The following RCBTB1 variants were observed in gnomAD, a reference collection of about 807,000 sequenced individuals.
RCBTB1 encodes RCC1 and BTB domain-containing protein 1.
In RCBTB1, 46 loss-of-function variants were observed where a neutral mutation model predicts 62.4. The ratio of observed to expected loss-of-function variants is 0.74; its 90% CI spans 0.58 to 0.94. The LOEUF (loss-of-function observed/expected upper bound fraction) is 0.94, where lower values mean the gene tolerates loss of function less well. RCBTB1 is among the 40% of genes least tolerant of loss of function. The pLI is 0.00. For synonymous variants in RCBTB1, 222 were observed against 245.8 expected, an observed-to-expected ratio of 0.90 and a Z score of 0.91; for missense variants, 565 against 654.9, an observed-to-expected ratio of 0.86 and a Z score of 1.50.
intron 1 of RCBTB1, among the ~76,000 whole-genome samples, chr13:49,583,262 A>G (rs76717572): frequency 0.017 from 2,610 of 152,210 alleles, 71 homozygotes; most frequent in African/African-American, 0.06. Flanking sequence ...AGCACTGAGC[A>G]GAGAAACCTA....
At chr13:49,583,616 G>A (rs192412857) in intron 1 of RCBTB1, among the ~76,000 whole-genome samples, 1 of 151,584 alleles carries the variant, frequency 6.6e-6, no homozygotes, top group Admixed American at 6.6e-5. Context: ...GCACAATCTC[G>A]GCTCACTGCA....
rs561896667 is a variant in RCBTB1, at chr13:49,532,033, C to T, written c.*2089G>A. 145 of 152,582 alleles carry T rather than the reference C, an allele frequency of 9.5e-4. 1 individual carries two copies. Among genetic ancestry groups the T allele is most frequent in the African/African-American group, 3.4e-3 (143 of 41,510 alleles). The allele number at this position is 152,582 out of a possible 1,614,324, so 9.5% of individuals were successfully genotyped here. A position where few individuals can be genotyped will look rare whatever the true frequency, so the allele number is the denominator to read the frequency against. On this transcript the variant is annotated 3_prime_UTR_variant, in exon 13 of 13. Transcript: ENST00000378302. ...CATACTAGAGTATCAAACATTGTTC[C>T]AGTAAGAAGTTCAAGAGTACATTTA...
At chr13:49,575,493 A>G (rs1009075212) in intron 2 of RCBTB1, among the ~76,000 whole-genome samples, 1 of 152,082 alleles carries the variant, frequency 6.6e-6, no homozygotes. Flanking sequence ...TAGCAAAGAC[A>G]TGGAATCAAC....
chr13:49,535,524 G>T (rs1959870211), intron 12 of RCBTB1, among the ~76,000 whole-genome samples: 1 of 152,056 alleles, frequency 6.6e-6, no homozygotes. Context: ...TCAACTGCAG[G>T]TTTTGACCGC....
chr13:49,560,027 G>T lies in RCBTB1; in HGVS notation c.335C>A (p.Thr112Asn), dbSNP rs745337208. ...CTGGACGGGAGCAATGCCTTGGTTG[G>T]TCGTCCCATTCCCAAGCTGGCTATA... is the stretch of plus-strand genomic sequence containing the variant. The part of the protein sequence containing the change: ...NGYSQLGNGT[T>N]NQGIAPVQVC... Residue 112 changes from threonine (T) to asparagine (N), a missense_variant, in exon 5 of 13, where the codon ACC becomes AAC. Physicochemically the swap from Thr to Asn is moderately conservative, Grantham distance 65. Coordinates refer to ENST00000378302, the MANE Select transcript of RCBTB1 (RefSeq NM_018191.4). The T allele has an allele frequency of 4.0e-5, 65 of 1,614,032 alleles. No individual in the cohort carries two copies. Among genetic ancestry groups the T allele is most frequent in the Non-Finnish European group, 5.5e-5 (65 of 1,180,036 alleles).
At position 49,575,697 on chromosome 13, in the gene RCBTB1, G is replaced by A. The variant is rs566728155; in HGVS notation, c.-42+4808C>T. ...AATGGGAACTAAATATAGGGTACACGTGGATATAAAGACAGGAACAACAGA... is the reference window on the plus strand; with the variant it reads ...AATGGGAACTAAATATAGGGTACACATGGATATAAAGACAGGAACAACAGA... On this transcript the variant is annotated intron_variant, in intron 2 of 12. Transcript: ENST00000378302. Among the ~76,000 whole-genome samples the A allele has an allele frequency of 2.6e-4, 39 of 152,134 alleles. 1 individual carries two copies. The highest frequency in any genetic ancestry group is 1.6e-4 in the Non-Finnish European group (11 of 67,998).
At position 49,533,911 on chromosome 13, in the gene RCBTB1, C is replaced by T. The variant is rs1371709527; in HGVS notation, c.*211G>A. 5 of 450,428 alleles carry T rather than the reference C, an allele frequency of 1.1e-5. No homozygotes were observed. The highest frequency in any genetic ancestry group is 2.0e-5 in the Non-Finnish European group (5 of 256,316). 27.9% of individuals were successfully genotyped at this position (450,428 alleles called of 1,614,324 possible). Reference sequence around the variant, plus strand: ...TTTACGAAAGGTCACATTTAAAATACACTTATCTGGAAACAAGGGTTGTTT... The same window carrying T: ...TTTACGAAAGGTCACATTTAAAATATACTTATCTGGAAACAAGGGTTGTTT... On this transcript the variant is annotated 3_prime_UTR_variant, in exon 13 of 13. Transcript: ENST00000378302.
intron 5 of RCBTB1, among the ~76,000 whole-genome samples, chr13:49,558,756 TAAAC>T (rs1043062144): frequency 2.3e-5 from 3 of 130,094 alleles, no homozygotes; most frequent in African/African-American, 9.1e-5. Flanking sequence ...TGCATAACAA[TAAAC>T]AACACAGTCA....
chr13:49,579,835 A>G (rs1963996079), intron 2 of RCBTB1, among the ~76,000 whole-genome samples: 1 of 152,202 alleles, frequency 6.6e-6, no homozygotes, highest in South Asian at 2.1e-4. Context: ...CCTTTGTTTC[A>G]TAAGTTTTGT....
At chr13:49,536,104 T>C (rs1172964575) in intron 12 of RCBTB1, among the ~76,000 whole-genome samples, 1 of 152,098 alleles carries the variant, frequency 6.6e-6, no homozygotes, top group Non-Finnish European at 1.5e-5. Flanking sequence ...TATACACTCA[T>C]GAAAATGGTT....
Position 49,538,863 on chromosome 13 carries a change from T to G in RCBTB1, c.1455+2013A>C, listed in dbSNP as rs73190742. Among the ~76,000 whole-genome samples the G allele has an allele frequency of 4.6e-3, 691 of 150,332 alleles. 1 individual carries two copies. Among genetic ancestry groups the G allele is most frequent in the Admixed American group, 0.011 (163 of 14,820 alleles). Reference sequence around the variant, plus strand: ...TTTTTCTACGTTGAATCTGTAATATTTGTAGGATTTTAAGTTTTTTTTAAC... The same window carrying G: ...TTTTTCTACGTTGAATCTGTAATATGTGTAGGATTTTAAGTTTTTTTTAAC... On this transcript the variant is annotated intron_variant, in intron 12 of 12. Coordinates refer to ENST00000378302, the MANE Select transcript of RCBTB1 (RefSeq NM_018191.4).
chr13:49,553,511 G>A (rs980941116), intron 6 of RCBTB1, among the ~76,000 whole-genome samples: 1 of 152,130 alleles, frequency 6.6e-6, no homozygotes, highest in African/African-American at 2.4e-5. Flanking sequence ...TAGAGTGAGA[G>A]GAGGCCCATC....
intron 2 of RCBTB1, among the ~76,000 whole-genome samples, chr13:49,568,327 C>G (rs12429350): frequency 0.071 from 10,788 of 152,222 alleles, 407 homozygotes; most frequent in South Asian, 0.12. Context: ...CAGTCTTTTG[C>G]TAGAACAATA....
chr13:49,551,129 G>A (rs1345074412), intron 8 of RCBTB1, 197 bp downstream of exon 8: 4 of 533,446 alleles, frequency 7.5e-6, no homozygotes, highest in Non-Finnish European at 1.3e-5. Flanking sequence ...AGGGAAGGGG[G>A]GAGGGAGAAG....
chr13:49,557,043 G>A (rs572866348), intron 5 of RCBTB1, among the ~76,000 whole-genome samples: 100 of 152,302 alleles, frequency 6.6e-4, no homozygotes, highest in Non-Finnish European at 1.2e-3. Context: ...CATGAGGCCT[G>A]TGTGCTATGC....
chr13:49,543,222 C>A (rs1478791384), intron 10 of RCBTB1, among the ~76,000 whole-genome samples: 1 of 151,970 alleles, frequency 6.6e-6, no homozygotes, highest in Non-Finnish European at 1.5e-5. Flanking sequence ...TGGTATTACG[C>A]CACTGCACTC....
intron 11 of RCBTB1, among the ~76,000 whole-genome samples, chr13:49,541,342 T>C (rs565602584): frequency 2.6e-5 from 4 of 152,098 alleles, no homozygotes; most frequent in Non-Finnish European, 5.9e-5. Flanking sequence ...ACCTAGGTGA[T>C]GGGTTGACAG....
intron 2 of RCBTB1, among the ~76,000 whole-genome samples, chr13:49,569,885 G>A (rs1263928152): frequency 2.0e-5 from 3 of 152,098 alleles, no homozygotes; most frequent in Non-Finnish European, 4.4e-5. Flanking sequence ...TCTAACCTGG[G>A]TGACAGAGGG....
At chr13:49,559,775 T>A in intron 5 of RCBTB1, 143 bp downstream of exon 5, 1 of 672,282 alleles carries the variant, frequency 1.5e-6, no homozygotes, top group Non-Finnish European at 2.4e-6. Context: ...GGGTGCATGC[T>A]GGTGACAGTT....
Sources: gnomAD v4.1 joint callset for allele counts (sites outside exome capture counted in the v4.1 genomes callset) on GRCh38, gnomAD v4.1.1 for gene constraint, MANE v1.5 for transcripts, NCBI Gene and HGNC (gene_info 2026-07-23, HGNC 2026-07-21) for gene names.